Variants in YWHAZ observed in about 807,000 individuals in gnomAD.
YWHAZ encodes the protein 14-3-3 protein zeta/delta.
For synonymous variants in YWHAZ, 87 were observed against 103.6 expected, an observed-to-expected ratio of 0.84 and a Z score of 0.97; for missense variants, 79 against 284.8, an observed-to-expected ratio of 0.28 and a Z score of 5.20.
chr8:100,920,805 G>GA, intron 5 of YWHAZ, 53 bp from the exon 6 acceptor site: 1 of 618,976 alleles, frequency 1.6e-6, no homozygotes. Flanking sequence ...TGGGGGGGGG[G>GA]GGGCGTTTTC....
chr8:100,938,483 C>G (rs1309085494), intron 2 of YWHAZ, among the ~76,000 whole-genome samples: 1 of 152,132 alleles, frequency 6.6e-6, no homozygotes, highest in Non-Finnish European at 1.5e-5. Flanking sequence ...TTATATTATT[C>G]AATTTAAAAA....
intron 1 of YWHAZ, 150 bp downstream of exon 1, chr8:100,951,779 G>A (rs1017495380): frequency 9.1e-6 from 9 of 985,236 alleles, no homozygotes; most frequent in Non-Finnish European, 1.1e-5. Context: ...AGGAGCCGCC[G>A]CCCGTGTCCG....
intron 2 of YWHAZ, among the ~76,000 whole-genome samples, chr8:100,936,564 G>A (rs1298422633): frequency 1.3e-5 from 2 of 152,106 alleles, no homozygotes; most frequent in Non-Finnish European, 2.9e-5. Context: ...TCCTTGGGAG[G>A]CTAAGGCGGC....
At position 100,951,763 on chromosome 8, in the gene YWHAZ, C is replaced by T. The variant is rs1810806407; in HGVS notation, c.-12+166G>A. 3 of 985,094 alleles carry T rather than the reference C, an allele frequency of 3.0e-6. No individual in the cohort carries two copies. The South Asian group carries it at 1.4e-4, about 46-fold the overall frequency. 61.0% of individuals were successfully genotyped at this position (985,094 alleles called of 1,614,324 possible). ...CCGCTAGCCGCCCTCCCGAGCCCAG[C>T]GGAAGAGGAGCCGCCGCCCGTGTCC... On this transcript the variant is annotated intron_variant, in intron 1 of 5. Coordinates refer to ENST00000395958, the MANE Select transcript of YWHAZ (RefSeq NM_145690.3).
At chr8:100,946,340 G>T (rs3134359) in intron 2 of YWHAZ, among the ~76,000 whole-genome samples, 1 of 151,940 alleles carries the variant, frequency 6.6e-6, no homozygotes, top group South Asian at 2.1e-4. Flanking sequence ...AGAGTTAGAC[G>T]TGACCTGGTC....
Position 100,942,053 on chromosome 8 carries a change from G to GCA in YWHAZ, c.294+6541_294+6542dup, listed in dbSNP as rs1159637574. Reference sequence around the variant, plus strand: ...CTTTTACCTGTTGTTACCACTGTAAGCACATTTTTATTTGGGGAAGGAAGG... The same window carrying GCA: ...CTTTTACCTGTTGTTACCACTGTAAGCACACATTTTTATTTGGGGAAGGAAGG... On this transcript the variant is annotated intron_variant, in intron 2 of 5. Transcript: ENST00000395958. Among the ~76,000 whole-genome samples the GCA allele has an allele frequency of 6.6e-5, 10 of 152,242 alleles. No homozygotes were observed. The South Asian group carries it at 1.2e-3, about 19-fold the overall frequency.
chr8:100,920,892 A>C (rs566067793), intron 5 of YWHAZ, 140 bp from the exon 6 acceptor site: 2 of 733,924 alleles, frequency 2.7e-6, no homozygotes, highest in East Asian at 2.6e-5. Flanking sequence ...TAGCTTCAAG[A>C]TACAAAAACA....
intron 1 of YWHAZ, among the ~76,000 whole-genome samples, chr8:100,949,392 T>TTG (rs143704895): frequency 0.027 from 4,057 of 152,232 alleles, 167 homozygotes; most frequent in African/African-American, 0.091. Flanking sequence ...CATAATACTC[T>TTG]TGTCAAGAGT....
rs117844755 is a variant in YWHAZ at position 100,939,398 on chromosome 8, A to C, written c.294+9198T>G. 1.8e-3 allele frequency among the ~76,000 whole-genome samples: 274 copies of C among 152,294 alleles called. 6 individuals are homozygous for C. The East Asian group carries it at 0.047, about 26-fold the overall frequency. On this transcript the variant is annotated intron_variant, in intron 2 of 5. Transcript: ENST00000395958. ...TCTAACGCTGGGCACGGTGGCTCAC[A>C]CCTGTAATCAATCCCACTTTGGAGG...
intron 2 of YWHAZ, among the ~76,000 whole-genome samples, chr8:100,939,117 TTAATA>T (rs1351933181): frequency 2.0e-5 from 3 of 152,202 alleles, no homozygotes; most frequent in African/African-American, 7.2e-5. Context: ...TAAAACTTTA[TTAATA>T]TAATTCCTGT....
At position 100,949,462 on chromosome 8, in the gene YWHAZ, T is replaced by C. The variant is rs111228608; in HGVS notation, c.-11-562A>G. ...AAACCTACTAGATCTCTGCAACAAC[T>C]GCCAGCCAATAATAGCATAACAATT... On this transcript the variant is annotated intron_variant, in intron 1 of 5. Coordinates refer to ENST00000395958, the MANE Select transcript of YWHAZ (RefSeq NM_145690.3). Among the ~76,000 whole-genome samples, 331 of 152,262 alleles carry C rather than the reference T, an allele frequency of 2.2e-3. 2 individuals are homozygous for C. The highest frequency in any genetic ancestry group is 0.017 in the Middle Eastern group (5 of 294).
intron 2 of YWHAZ, among the ~76,000 whole-genome samples, chr8:100,945,974 G>A (rs568899153): frequency 6.6e-6 from 1 of 152,164 alleles, no homozygotes; most frequent in African/African-American, 2.4e-5. Flanking sequence ...GCAAAAGCTT[G>A]TTTAGAATTC....
At chr8:100,951,258 C>T (rs1391341150) in intron 1 of YWHAZ, 1 of 984,882 alleles carries the variant, frequency 1.0e-6, no homozygotes, top group African/African-American at 1.7e-5. Context: ...CCGCGCCAGG[C>T]CTGGGCTCCG....
chr8:100,929,739 T>C (rs1375458207), intron 2 of YWHAZ, among the ~76,000 whole-genome samples: 1 of 152,138 alleles, frequency 6.6e-6, no homozygotes, highest in Non-Finnish European at 1.5e-5. Context: ...TTTGTCAAAC[T>C]GACCGAAGAA....
chr8:100,929,823 T>C (rs1157521740), intron 2 of YWHAZ, among the ~76,000 whole-genome samples: 2 of 149,992 alleles, frequency 1.3e-5, no homozygotes, highest in East Asian at 3.9e-4. Flanking sequence ...AAAAAATGAA[T>C]AAAAGAACAA....
intron 2 of YWHAZ, among the ~76,000 whole-genome samples, chr8:100,944,758 T>C (rs1563687656): frequency 6.6e-6 from 1 of 152,200 alleles, no homozygotes; most frequent in African/African-American, 2.4e-5. Context: ...CAGAAGGTAG[T>C]CAAGGTGCTT....
At chr8:100,952,740 G>A (rs1361486125), upstream of YWHAZ, 1 of 969,546 alleles carries the variant, frequency 1.0e-6, no homozygotes, top group African/African-American at 1.8e-5. Flanking sequence ...GGCAAGGGAG[G>A]GTTGTGTGTG....
chr8:100,952,199 C>A (rs1407841019), upstream of YWHAZ: 3 of 979,722 alleles, frequency 3.1e-6, no homozygotes, highest in African/African-American at 5.2e-5. Flanking sequence ...GGCGCTCGTC[C>A]TGCCCGCCCG....
At chr8:100,932,428 A>G (rs908732801) in intron 2 of YWHAZ, among the ~76,000 whole-genome samples, 1 of 152,212 alleles carries the variant, frequency 6.6e-6, no homozygotes, top group Non-Finnish European at 1.5e-5. Context: ...ATAAATAGGT[A>G]CATTTTCTAG....
Sources: allele counts gnomAD v4.1 joint callset (sites outside exome capture counted in the v4.1 genomes callset), GRCh38; gene constraint gnomAD v4.1.1; transcripts MANE v1.5; gene names NCBI Gene and HGNC (gene_info 2026-07-23, HGNC 2026-07-21).